RHBDD1: variants seen among roughly 807,000 people sequenced by gnomAD.
The protein encoded by RHBDD1 is rhomboid domain containing 1, also known as rhomboid-related protein 4.
RHBDD1 carries 38 observed loss-of-function variants against 36.3 expected under a neutral mutation model. That is an observed-to-expected ratio of 1.05 (90% CI 0.81 to 1.37). The LOEUF is 1.37. Among genes scored for constraint, RHBDD1 ranks in the 40% most tolerant of loss-of-function variants. RHBDD1 has a pLI of 0.00. For synonymous variants in RHBDD1, 151 were observed against 136.5 expected (o/e 1.11, Z -0.74); for missense variants, 393 against 377.6 (o/e 1.04, Z -0.34).
upstream of RHBDD1, among the ~76,000 whole-genome samples, chr2:226,832,624 T>A (rs1940770081): frequency 6.6e-6 from 1 of 152,256 alleles, no homozygotes; most frequent in Non-Finnish European, 1.5e-5. Flanking sequence ...TTTTGCTTCA[T>A]GAATTTAGGG....
At chr2:226,858,556 A>G (rs1330964272) in intron 3 of RHBDD1, among the ~76,000 whole-genome samples, 2 of 152,178 alleles carry the variant, frequency 1.3e-5, no homozygotes, top group South Asian at 4.1e-4. Flanking sequence ...GAACATTTAA[A>G]TCTGGAAATT....
intron 3 of RHBDD1, among the ~76,000 whole-genome samples, chr2:226,850,390 A>C (rs1574791397): frequency 6.6e-6 from 1 of 152,214 alleles, no homozygotes; most frequent in African/African-American, 2.4e-5. Context: ...TCTTTTAGCA[A>C]GGGTCCTCTA....
At chr2:226,947,154 G>GT (rs1178667707) in intron 8 of RHBDD1, among the ~76,000 whole-genome samples, 150 of 151,756 alleles carry the variant, frequency 9.9e-4, no homozygotes, top group African/African-American at 3.4e-3. Flanking sequence ...TGCTTTTGGT[G>GT]TTTTGGACAT....
the RHBDD1 span, among the ~76,000 whole-genome samples, chr2:226,810,540 CAAAAAAAA>C: frequency 2.1e-4 from 7 of 33,882 alleles, no homozygotes; most frequent in East Asian, 1.3e-3. Flanking sequence ...GACTCCGTCT[CAAAAAAAA>C]AAAAAAAAAA....
intron 8 of RHBDD1, among the ~76,000 whole-genome samples, chr2:226,928,013 A>T (rs10167086): frequency 0.46 from 69,559 of 151,862 alleles, 16,138 homozygotes; most frequent in African/African-American, 0.53. Flanking sequence ...GAATCTTTTG[A>T]TGTAACCCAA....
the RHBDD1 span, chr2:226,803,892 G>T: frequency 6.6e-6 from 1 of 152,212 alleles, no homozygotes. Context: ...TTATAATGCA[G>T]GTTCTGGTTA....
chr2:226,851,387 T>G lies in RHBDD1; in HGVS notation c.-91+11760T>G, dbSNP rs184636929. Among the ~76,000 whole-genome samples, 714 of 152,066 alleles carry G rather than the reference T, an allele frequency of 4.7e-3. 7 individuals are homozygous for G. The highest frequency in any genetic ancestry group is 0.017 in the African/African-American group (686 of 41,472). On this transcript the variant is annotated intron_variant, in intron 3 of 8. Transcript: ENST00000392062. ...TGAGCTCCGTGTGCAGCAGAGCAAC[T>G]TGATGATCCAACTGAGCCTAAAGAA... is the stretch of plus-strand genomic sequence containing the variant.
intron 8 of RHBDD1, among the ~76,000 whole-genome samples, chr2:226,953,379 C>T (rs915895029): frequency 2.6e-5 from 4 of 152,060 alleles, no homozygotes; most frequent in Non-Finnish European, 4.4e-5. Context: ...CAAATGGCAG[C>T]GGTTTGGCCC....
chr2:226,984,715 A>G (rs1956543466), intron 8 of RHBDD1, among the ~76,000 whole-genome samples: 1 of 152,196 alleles, frequency 6.6e-6, no homozygotes, highest in African/African-American at 2.4e-5. Context: ...AGACTTTTGC[A>G]GATTCCTAGA....
intron 8 of RHBDD1, among the ~76,000 whole-genome samples, chr2:226,918,044 C>G (rs1001634993): frequency 6.6e-6 from 1 of 151,942 alleles, no homozygotes; most frequent in Non-Finnish European, 1.5e-5. Context: ...GTAATTAATA[C>G]TAACTCCTAT....
chr2:226,801,392 ATG>A, the RHBDD1 span, among the ~76,000 whole-genome samples: 5 of 152,062 alleles, frequency 3.3e-5, no homozygotes, highest in Non-Finnish European at 7.4e-5. Flanking sequence ...GAAAAAGAAG[ATG>A]ATGATGATGA....
At chr2:226,809,399 C>T in the RHBDD1 span, among the ~76,000 whole-genome samples, 1 of 152,174 alleles carries the variant, frequency 6.6e-6, no homozygotes, top group Non-Finnish European at 1.5e-5. Context: ...TGACTGAATT[C>T]TTTAGTGGAA....
chr2:226,808,014 C>CAA, the RHBDD1 span, among the ~76,000 whole-genome samples: 18 of 141,520 alleles, frequency 1.3e-4, no homozygotes, highest in African/African-American at 4.7e-4. Context: ...GACTCTGTCT[C>CAA]AAAAAAAAAA....
At position 226,914,350 on chromosome 2, in the gene RHBDD1, A is replaced by G. The variant is rs34531133; in HGVS notation, c.855A>G (p.Arg285=). ...CATTACAAGCCAGCCTCTGGGACCG[A>G]GGTAGGAGTCTTGCGCCCTTCAGTT... ...ERALQASLWD[R]GNTRNSPPPY... The change falls in exon 8 of 9, where the codon CGA becomes CGG. Residue 285 remains arginine, a splice_region_variant and synonymous_variant. Transcript: ENST00000392062. The G allele has an allele frequency of 6.1e-4, 977 of 1,612,822 alleles. 2 individuals are homozygous for G. The African/African-American group carries it at 0.012, about 19-fold the overall frequency.
chr2:226,854,601 G>GAAA (rs34985443), intron 3 of RHBDD1, among the ~76,000 whole-genome samples: 15,747 of 83,306 alleles, frequency 0.19, 2,047 homozygotes, highest in African/African-American at 0.35. Flanking sequence ...ACTCTGTTTC[G>GAAA]AAAAAAAAAA....
At chr2:226,806,499 T>C in the RHBDD1 span, among the ~76,000 whole-genome samples, 4 of 152,220 alleles carry the variant, frequency 2.6e-5, no homozygotes, top group African/African-American at 2.4e-5. Context: ...AGGAAATATA[T>C]GCAATATTAA....
chr2:226,982,112 A>C (rs1229890251), intron 8 of RHBDD1, among the ~76,000 whole-genome samples: 1 of 152,342 alleles, frequency 6.6e-6, no homozygotes, highest in African/African-American at 2.4e-5. Flanking sequence ...CAGCAAGCAC[A>C]CATCTGGCCA....
At chr2:226,852,907 A>ATTG (rs143263428) in intron 3 of RHBDD1, among the ~76,000 whole-genome samples, 15,387 of 130,390 alleles carry the variant, frequency 0.12, 1,454 homozygotes, top group African/African-American at 0.33. Context: ...CTAATTTATT[A>ATTG]TTATTATTAT....
At chr2:226,951,824 A>T (rs1271571109) in intron 8 of RHBDD1, among the ~76,000 whole-genome samples, 2 of 152,268 alleles carry the variant, frequency 1.3e-5, no homozygotes. Flanking sequence ...ACAAAAGAGA[A>T]TAACCTTTGT....
Sources: allele counts gnomAD v4.1 joint callset (sites outside exome capture counted in the v4.1 genomes callset), GRCh38; gene constraint gnomAD v4.1.1; transcripts MANE v1.5; gene names NCBI Gene and HGNC (gene_info 2026-07-23, HGNC 2026-07-21).